ROBO2: variants seen among roughly 807,000 people sequenced by gnomAD.
ROBO2 encodes the protein roundabout guidance receptor 2, also known as roundabout homolog 2.
A neutral mutation model predicts 160.8 loss-of-function variants in ROBO2; 53 were observed. The observed-to-expected ratio is 0.33, with a 90% CI of 0.26 to 0.41. The LOEUF (loss-of-function observed/expected upper bound fraction) is 0.41. Ranked by LOEUF, ROBO2 falls within the 10% of genes least tolerant of loss-of-function variation. The pLI is 1.00. For missense variants in ROBO2, 1,577 were observed against 1,722.4 expected (o/e 0.92, Z 1.49); for synonymous variants, 664 against 611.7 (o/e 1.09, Z -1.26).
chr3:77,452,590 GTTCTT>G (rs1364224266), intron 2 of ROBO2, among the ~76,000 whole-genome samples: 1 of 151,892 alleles, frequency 6.6e-6, no homozygotes, highest in Non-Finnish European at 1.5e-5. Context: ...TAATTTTGCG[GTTCTT>G]TTAAGGTTAA....
chr3:76,199,620 CA>C (rs1420093672), intron 2 of ROBO2, among the ~76,000 whole-genome samples: 1 of 152,106 alleles, frequency 6.6e-6, no homozygotes, highest in Non-Finnish European at 1.5e-5. Context: ...ACCTGACCCA[CA>C]AACTCTGCAA....
At chr3:77,518,281 T>G (rs980653004) in intron 5 of ROBO2, among the ~76,000 whole-genome samples, 3 of 151,512 alleles carry the variant, frequency 2.0e-5, no homozygotes, top group African/African-American at 7.3e-5. Flanking sequence ...GAAGGTGAAC[T>G]TTTAAAGATT....
chr3:76,257,391 A>G (rs1448932256), intron 2 of ROBO2, among the ~76,000 whole-genome samples: 2 of 152,210 alleles, frequency 1.3e-5, no homozygotes, highest in East Asian at 1.9e-4. Context: ...TATAATATCT[A>G]CTTGGCCCTA....
At chr3:76,423,438 A>G (rs2076078657) in intron 2 of ROBO2, among the ~76,000 whole-genome samples, 1 of 152,208 alleles carries the variant, frequency 6.6e-6, no homozygotes, top group Non-Finnish European at 1.5e-5. Context: ...CAACACGGAA[A>G]GAGAAAACTG....
intron 2 of ROBO2, among the ~76,000 whole-genome samples, chr3:77,203,927 C>G (rs1269391357): frequency 3.9e-5 from 6 of 152,198 alleles, no homozygotes; most frequent in Non-Finnish European, 7.3e-5. Context: ...AAAGTTGCCT[C>G]TCTGCATGGA....
intron 2 of ROBO2, among the ~76,000 whole-genome samples, chr3:77,135,153 A>G (rs932561855): frequency 2.6e-5 from 4 of 152,184 alleles, no homozygotes; most frequent in African/African-American, 4.8e-5. Flanking sequence ...GCAGCCTTCA[A>G]CATGCAAAAC....
At chr3:77,308,728 A>G (rs2063302803) in intron 2 of ROBO2, among the ~76,000 whole-genome samples, 1 of 152,148 alleles carries the variant, frequency 6.6e-6, no homozygotes, top group Non-Finnish European at 1.5e-5. Flanking sequence ...AAATGCCTCT[A>G]TTGTGCACAG....
intron 2 of ROBO2, among the ~76,000 whole-genome samples, chr3:77,349,608 G>T (rs1384298844): frequency 6.6e-6 from 1 of 152,080 alleles, no homozygotes; most frequent in East Asian, 1.9e-4. Flanking sequence ...ATAAGAAAAG[G>T]CAGACATAGA....
rs540457711 is a variant in ROBO2, at chr3:76,223,627, G to C, written c.109+286025G>C. On this transcript the variant is annotated intron_variant, in intron 2 of 26. Transcript: ENST00000487694. The stretch of plus-strand genomic sequence containing the variant: ...TTAACAGTACACATCCTTCAAGGCT[G>C]GGAGTACAACTTGTATTGCAATTAA... 2.6e-5 allele frequency among the ~76,000 whole-genome samples: 4 copies of C among 152,252 alleles called. No individual in the cohort carries two copies. In the East Asian group the frequency reaches 7.7e-4, roughly 29 times the overall value.
At chr3:76,125,210 G>A (rs993603697) in intron 2 of ROBO2, among the ~76,000 whole-genome samples, 1 of 152,128 alleles carries the variant, frequency 6.6e-6, no homozygotes, top group Non-Finnish European at 1.5e-5. Context: ...ATATTCCCTG[G>A]TGTGTATGTA....
rs1234372095 is a variant in ROBO2, at chr3:76,060,818, G to A, written c.109+123216G>A. Among the ~76,000 whole-genome samples the A allele has an allele frequency of 2.0e-5, 3 of 149,852 alleles. No individual in the cohort carries two copies. The East Asian group carries it at 6.2e-4, about 31-fold the overall frequency. ...TCTGTGACTCTTAACTTGGAAAACT[G>A]ATTTGTTATGGGCAGAGAAATAACA... On this transcript the variant is annotated intron_variant, in intron 2 of 26. Coordinates refer to the ROBO2 transcript ENST00000487694.
chr3:77,602,673 A>ACCACCACCG (rs1559705797), intron 20 of ROBO2, among the ~76,000 whole-genome samples, 182 bp downstream of exon 21: 5 of 122,832 alleles, frequency 4.1e-5, no homozygotes, highest in South Asian at 2.8e-4. Context: ...CACCACCACC[A>ACCACCACCG]CCACCACCAC....
At chr3:77,438,938 G>A (rs2079616012) in intron 2 of ROBO2, among the ~76,000 whole-genome samples, 1 of 151,972 alleles carries the variant, frequency 6.6e-6, no homozygotes, top group African/African-American at 2.4e-5. Context: ...TACATACAGA[G>A]CTATTAAATC....
chr3:76,593,403 G>A (rs1460020105), intron 2 of ROBO2, among the ~76,000 whole-genome samples: 1 of 152,026 alleles, frequency 6.6e-6, no homozygotes, highest in African/African-American at 2.4e-5. Context: ...TTCTGAAATA[G>A]CTGCATTTAA....
At chr3:76,041,353 T>C (rs1351710545) in intron 2 of ROBO2, among the ~76,000 whole-genome samples, 1 of 151,986 alleles carries the variant, frequency 6.6e-6, no homozygotes, top group Non-Finnish European at 1.5e-5. Context: ...TAATAAAAAC[T>C]TATGTAGAAC....
intron 2 of ROBO2, among the ~76,000 whole-genome samples, chr3:77,422,602 C>T (rs1264575897): frequency 6.6e-6 from 1 of 152,164 alleles, no homozygotes; most frequent in Non-Finnish European, 1.5e-5. Context: ...GCATTTCAGG[C>T]ATGGATTTAC....
At chr3:77,440,527 T>C (rs1326858839) in intron 2 of ROBO2, among the ~76,000 whole-genome samples, 1 of 152,168 alleles carries the variant, frequency 6.6e-6, no homozygotes, top group East Asian at 1.9e-4. Flanking sequence ...TGAGTAAATA[T>C]CTTAGCCCAT....
chr3:75,911,644 G>A (rs1434514091), intron 1 of ROBO2, among the ~76,000 whole-genome samples: 1 of 132,486 alleles, frequency 7.5e-6, no homozygotes, highest in Non-Finnish European at 1.5e-5. Flanking sequence ...TGCAAGCTCC[G>A]CCTCCCGGGT....
At chr3:76,276,949 A>C (rs1488325608) in intron 2 of ROBO2, among the ~76,000 whole-genome samples, 1 of 151,996 alleles carries the variant, frequency 6.6e-6, no homozygotes. Context: ...CTAAACATGA[A>C]ATTCATTTAT....
Sources: gnomAD v4.1 joint callset for allele counts (sites outside exome capture counted in the v4.1 genomes callset) on GRCh38, gnomAD v4.1.1 for gene constraint, MANE v1.5 for transcripts, NCBI Gene and HGNC (gene_info 2026-07-23, HGNC 2026-07-21) for gene names.